The following EIF2B3 variants were observed in gnomAD, a reference collection of about 807,000 sequenced individuals.
EIF2B3 encodes translation initiation factor eIF2B subunit gamma.
EIF2B3 carries 20 observed loss-of-function variants against 54.1 expected under a neutral mutation model. The observed-to-expected ratio is 0.37, with a 90% CI of 0.26 to 0.54. The LOEUF (loss-of-function observed/expected upper bound fraction) is 0.54, where lower values mean the gene tolerates loss of function less well. Among genes scored for constraint, EIF2B3 ranks in the 20% least tolerant of loss-of-function variants. The probability of loss-of-function intolerance (pLI) is 0.86; values close to 1 mark genes in which losing one functional copy is unlikely to be tolerated. For missense variants in EIF2B3, 448 were observed against 547.8 expected (o/e 0.82, Z 1.82); for synonymous variants, 153 against 188.1 (o/e 0.81, Z 1.52).
intron 4 of EIF2B3, among the ~76,000 whole-genome samples, chr1:44,935,439 G>A (rs1643936926): frequency 6.6e-6 from 1 of 152,176 alleles, no homozygotes; most frequent in African/African-American, 2.4e-5. Context: ...AATTCTCTAT[G>A]TGTCGTCTTT....
chr1:44,855,240 G>A (rs1654400770), intron 11 of EIF2B3, among the ~76,000 whole-genome samples: 1 of 152,126 alleles, frequency 6.6e-6, no homozygotes, highest in South Asian at 2.1e-4. Context: ...CCAGTTTAGA[G>A]CCCAGACAAG....
At chr1:44,874,631 C>A in intron 10 of EIF2B3, 47 bp downstream of exon 10, 1 of 1,599,162 alleles carries the variant, frequency 6.3e-7, no homozygotes, top group Non-Finnish European at 8.5e-7. Flanking sequence ...ATTTTGAAGG[C>A]ATTTTTCCAT....
At position 44,874,815 on chromosome 1, in the gene EIF2B3, G is replaced by A. The variant is rs2148901288; in HGVS notation, c.1065C>T (p.Asp355=). 6.2e-7 allele frequency: 1 copy of A among 1,614,130 alleles called. No homozygotes were observed. The highest frequency in any genetic ancestry group is 8.5e-7 in the Non-Finnish European group (1 of 1,180,028). Residue 355 remains aspartate (D), a synonymous_variant, in exon 10 of 12, where the codon GAC becomes GAT. Coordinates refer to ENST00000360403, the MANE Select transcript of EIF2B3 (RefSeq NM_020365.5). ...TCTGTGTCTCTGGCCCAATGAGGCT[G>A]TCAACTCCAACCTGTAAAAGGCAAA... is the stretch of plus-strand genomic sequence containing the variant. ...QIVSKHLVGV[D]SLIGPETQIG...
At chr1:44,888,820 GC>G (rs1655694484) in intron 6 of EIF2B3, among the ~76,000 whole-genome samples, 1 of 152,198 alleles carries the variant, frequency 6.6e-6, no homozygotes, top group Admixed American at 6.5e-5. Context: ...TAACCATGTG[GC>G]CATAATGTCT....
intron 3 of EIF2B3, chr1:44,958,714 G>C: frequency 6.3e-7 from 1 of 1,591,336 alleles, no homozygotes; most frequent in Non-Finnish European, 8.6e-7. Context: ...GCCTGAAACA[G>C]TACCCTTTCT....
intron 10 of EIF2B3, among the ~76,000 whole-genome samples, chr1:44,868,172 G>T (rs1654842094): frequency 6.6e-6 from 1 of 152,140 alleles, no homozygotes; most frequent in African/African-American, 2.4e-5. Context: ...GCCGAGGCGA[G>T]CGGATCACAA....
intron 10 of EIF2B3, among the ~76,000 whole-genome samples, chr1:44,863,665 C>T (rs894262276): frequency 6.6e-6 from 1 of 152,176 alleles, no homozygotes; most frequent in African/African-American, 2.4e-5. Flanking sequence ...TTTCTTTCAT[C>T]CCATTTCCTT....
chr1:44,959,150 C>A, intron 3 of EIF2B3: 12 of 728,024 alleles, frequency 1.6e-5, no homozygotes, highest in Non-Finnish European at 2.9e-5. Context: ...GAACCATCTA[C>A]GATTGCACAG....
chr1:44,854,587 G>GT (rs1158144402), intron 11 of EIF2B3, among the ~76,000 whole-genome samples: 39 of 130,840 alleles, frequency 3.0e-4, no homozygotes, highest in African/African-American at 1.2e-3. Flanking sequence ...ACTGCATTAT[G>GT]TCTTTTTTTT....
chr1:44,936,974 A>C (rs1345357726), intron 4 of EIF2B3, among the ~76,000 whole-genome samples: 1 of 152,232 alleles, frequency 6.6e-6, no homozygotes, highest in East Asian at 1.9e-4. Flanking sequence ...TAATTTGCCC[A>C]AAATCCCACA....
intron 6 of EIF2B3, among the ~76,000 whole-genome samples, chr1:44,891,092 T>TTTTTTAAA (rs1352616723): frequency 1.3e-5 from 2 of 152,216 alleles, no homozygotes; most frequent in African/African-American, 4.8e-5. Context: ...AAAAGAGACT[T>TTTTTTAAA]TTTTTAAATT....
chr1:44,933,353 G>T (rs1203448839), intron 4 of EIF2B3, among the ~76,000 whole-genome samples: 2 of 152,096 alleles, frequency 1.3e-5, no homozygotes, highest in Non-Finnish European at 2.9e-5. Flanking sequence ...ATACAAGGTT[G>T]CATACATGTA....
At chr1:44,947,607 C>T (rs531260716) in intron 3 of EIF2B3, among the ~76,000 whole-genome samples, 1 of 151,954 alleles carries the variant, frequency 6.6e-6, no homozygotes, top group East Asian at 1.9e-4. Context: ...ATCTGGCAAC[C>T]GATTTCTTAT....
chr1:44,984,432 C>G (rs1644547097), intron 1 of EIF2B3, among the ~76,000 whole-genome samples: 2 of 151,456 alleles, frequency 1.3e-5, no homozygotes, highest in Non-Finnish European at 1.5e-5. Context: ...CTGCACACCA[C>G]TGCACTCCAG....
intron 4 of EIF2B3, among the ~76,000 whole-genome samples, chr1:44,939,108 A>G (rs1643990850): frequency 6.7e-6 from 1 of 150,170 alleles, no homozygotes; most frequent in African/African-American, 2.4e-5. Flanking sequence ...TCTCAAAAAA[A>G]AAAAAAAAAA....
chr1:44,901,396 G>A (rs1228941871), intron 5 of EIF2B3, among the ~76,000 whole-genome samples: 3 of 151,814 alleles, frequency 2.0e-5, no homozygotes, highest in Admixed American at 6.6e-5. Context: ...GATTACAGGC[G>A]TGAGCCACTG....
At position 44,863,969 on chromosome 1, in the gene EIF2B3, G is replaced by A. The variant is rs1488427699; in HGVS notation, c.1203-6162C>T. On this transcript the variant is annotated intron_variant, in intron 10 of 11. Coordinates refer to ENST00000360403, the MANE Select transcript of EIF2B3 (RefSeq NM_020365.5). ...TAGATTAAAAGGTACTGACTCCAGTGAGCAGGCTGAAAATTTCCTCCTTTT... is the reference window on the plus strand; with the variant it reads ...TAGATTAAAAGGTACTGACTCCAGTAAGCAGGCTGAAAATTTCCTCCTTTT... Among the ~76,000 whole-genome samples the A allele has an allele frequency of 2.0e-5, 3 of 152,158 alleles. 1 individual carries two copies. The highest frequency in any genetic ancestry group is 4.1e-4 in the South Asian group (2 of 4,824).
At chr1:44,907,465 G>A (rs530547559) in intron 5 of EIF2B3, among the ~76,000 whole-genome samples, 1 of 152,324 alleles carries the variant, frequency 6.6e-6, no homozygotes, top group Non-Finnish European at 1.5e-5. Context: ...AGCTGAGGCA[G>A]GAGAATTGCT....
intron 3 of EIF2B3, among the ~76,000 whole-genome samples, chr1:44,962,723 T>C (rs997821416): frequency 3.3e-5 from 5 of 152,192 alleles, no homozygotes; most frequent in African/African-American, 1.2e-4. Flanking sequence ...CCTAAACATG[T>C]GTGTCTATAT....
Sources: allele counts gnomAD v4.1 joint callset (sites outside exome capture counted in the v4.1 genomes callset), GRCh38; gene constraint gnomAD v4.1.1; transcripts MANE v1.5; gene names NCBI Gene and HGNC (gene_info 2026-07-23, HGNC 2026-07-21).